The following FAM178B variants were observed in gnomAD, a reference collection of about 807,000 sequenced individuals.
FAM178B encodes the protein family with sequence similarity 178 member B.
Under a neutral mutation model 91.7 loss-of-function variants are expected in FAM178B, and 82 were observed. The ratio of observed to expected loss-of-function variants is 0.89; its 90% CI spans 0.75 to 1.07. FAM178B has a LOEUF of 1.07. Among genes scored for constraint, FAM178B ranks in the 50% least tolerant of loss-of-function variants. The pLI is 0.00. For synonymous variants in FAM178B, 368 were observed against 359.4 expected (o/e 1.02, Z -0.27); for missense variants, 769 against 846.7 (o/e 0.91, Z 1.14).
intron 12 of FAM178B, among the ~76,000 whole-genome samples, chr2:96,913,392 G>A (rs571461696): frequency 6.6e-6 from 1 of 152,192 alleles, no homozygotes; most frequent in African/African-American, 2.4e-5. Context: ...TTTCAAGTCT[G>A]AGAACAGGCA....
intron 1 of FAM178B, among the ~76,000 whole-genome samples, chr2:96,977,452 A>ATTTT (rs558867160): frequency 2.2e-5 from 3 of 135,416 alleles, no homozygotes; most frequent in Non-Finnish European, 4.8e-5. Flanking sequence ...CCTTTTGGGA[A>ATTTT]TTTTTTTTTT....
chr2:96,946,227 T>A (rs547263444), intron 8 of FAM178B, among the ~76,000 whole-genome samples: 1 of 152,360 alleles, frequency 6.6e-6, no homozygotes, highest in East Asian at 1.9e-4. Context: ...TAATACATCA[T>A]GGACATTCAA....
At chr2:96,938,408 GATGCCTGCTGAGCTGGGGTAAAGCATGC>G (rs957885329) in intron 8 of FAM178B, among the ~76,000 whole-genome samples, 7 of 152,328 alleles carry the variant, frequency 4.6e-5, no homozygotes, top group Non-Finnish European at 1.0e-4. Flanking sequence ...AGACTCTGGA[GATGCCTGCTGAGCTGGGGTAAAGCATGC>G]ATGCCTGCCC....
intron 12 of FAM178B, among the ~76,000 whole-genome samples, chr2:96,906,967 C>G (rs1357376628): frequency 6.6e-6 from 1 of 152,306 alleles, no homozygotes; most frequent in Admixed American, 6.5e-5. Flanking sequence ...AGGGCCTGCC[C>G]GGCCCGGGGG....
chr2:96,925,942 C>T (rs973028812), intron 9 of FAM178B, among the ~76,000 whole-genome samples: 7 of 152,324 alleles, frequency 4.6e-5, no homozygotes, highest in South Asian at 2.1e-4. Flanking sequence ...CTTGATAGGA[C>T]GCCCTGTCAA....
At chr2:96,938,567 G>C (rs895409368) in intron 8 of FAM178B, among the ~76,000 whole-genome samples, 3 of 152,234 alleles carry the variant, frequency 2.0e-5, no homozygotes, top group Admixed American at 2.0e-4. Context: ...ATCTGGAAAA[G>C]ATGCTGCTGT....
chr2:96,951,237 C>A lies in FAM178B; in HGVS notation c.993+142G>T, dbSNP rs531464277. On this transcript the variant is annotated intron_variant, in intron 7 of 16. Coordinates refer to ENST00000490605, the MANE Select transcript of FAM178B (RefSeq NM_001122646.3). ...TGTGGGGATCGATGCCCAATCAGCT[C>A]TCCTCCCTCCTCCCAGCCTGAGCCC... 1.1e-5 allele frequency: 7 copies of A among 648,814 alleles called. No individual in the cohort carries two copies. In the South Asian group the frequency reaches 1.1e-4, roughly 10 times the overall value. The allele number at this position is 648,814 out of a possible 1,614,324, so 40.2% of individuals were successfully genotyped here.
intron 16 of FAM178B, 75 bp from the exon 17 acceptor site, chr2:96,876,383 G>C: frequency 6.5e-7 from 1 of 1,541,450 alleles, no homozygotes. Context: ...TCCCCGGGCT[G>C]GCGGTGTCCA....
intron 14 of FAM178B, among the ~76,000 whole-genome samples, chr2:96,887,379 A>G (rs1461631228): frequency 6.6e-6 from 1 of 152,182 alleles, no homozygotes; most frequent in Non-Finnish European, 1.5e-5. Flanking sequence ...AGGGTGAGGC[A>G]TTTCAGGGGG....
At position 96,877,147 on chromosome 2, in the gene FAM178B, T is replaced by C. The variant is rs1403195384; in HGVS notation, c.2007+743A>G. 2.0e-5 allele frequency among the ~76,000 whole-genome samples: 3 copies of C among 152,130 alleles called. No homozygotes were observed. In the East Asian group the frequency reaches 5.8e-4, roughly 29 times the overall value. On this transcript the variant is annotated intron_variant, in intron 16 of 16. Transcript: ENST00000490605. ...CTGTGACTATCACACCTACAGGCTC[T>C]GAGAAAACTCGGCGGGGGTAGGGGG...
chr2:96,959,646 G>A (rs749156131), intron 6 of FAM178B, among the ~76,000 whole-genome samples: 47 of 152,130 alleles, frequency 3.1e-4, no homozygotes, highest in Non-Finnish European at 6.2e-4. Flanking sequence ...CCCAGCAGAC[G>A]CCGCTGCACT....
chr2:96,891,324 G>A (rs2080673383), intron 14 of FAM178B, among the ~76,000 whole-genome samples: 1 of 152,206 alleles, frequency 6.6e-6, no homozygotes, highest in South Asian at 2.1e-4. Flanking sequence ...TGCAGGAGAA[G>A]GCCAGGCTAT....
chr2:96,927,973 C>T (rs2081473779), intron 9 of FAM178B, among the ~76,000 whole-genome samples: 1 of 152,256 alleles, frequency 6.6e-6, no homozygotes. Flanking sequence ...TGGCTCATTA[C>T]ACCAGACATG....
At chr2:96,958,197 G>A (rs1486556988) in intron 6 of FAM178B, among the ~76,000 whole-genome samples, 1 of 151,510 alleles carries the variant, frequency 6.6e-6, no homozygotes, top group African/African-American at 2.4e-5. Flanking sequence ...AGCCTCCTGA[G>A]TAGCTGGGAC....
intron 6 of FAM178B, among the ~76,000 whole-genome samples, chr2:96,957,445 G>A (rs1269581573): frequency 6.6e-6 from 1 of 152,108 alleles, no homozygotes; most frequent in Non-Finnish European, 1.5e-5. Flanking sequence ...TGAGGCACTG[G>A]CAACACCCTC....
chr2:96,928,242 C>G (rs895563571), intron 9 of FAM178B, among the ~76,000 whole-genome samples: 3 of 152,220 alleles, frequency 2.0e-5, no homozygotes, highest in African/African-American at 7.2e-5. Flanking sequence ...ACAACAGCCC[C>G]TCCAGGCTTC....
chr2:96,902,503 TGAGTA>T (rs1323584755), intron 13 of FAM178B, 112 bp downstream of exon 13: 1 of 710,408 alleles, frequency 1.4e-6, no homozygotes, highest in Admixed American at 2.2e-5. Flanking sequence ...TGAAAGAACA[TGAGTA>T]GAGAGTTCAG....
chr2:96,951,675 A>G, intron 6 of FAM178B, 191 bp from the exon 7 acceptor site: 1 of 570,160 alleles, frequency 1.8e-6, no homozygotes, highest in South Asian at 2.0e-5. Flanking sequence ...GGCTAGCATC[A>G]GAATCACCTG....
intron 1 of FAM178B, among the ~76,000 whole-genome samples, chr2:96,985,758 G>A (rs1244829579): frequency 1.3e-5 from 2 of 152,110 alleles, no homozygotes; most frequent in Non-Finnish European, 1.5e-5. Context: ...GAATGCTGGC[G>A]AGAGCAGCGG....
Sources: allele counts gnomAD v4.1 joint callset (sites outside exome capture counted in the v4.1 genomes callset), GRCh38; gene constraint gnomAD v4.1.1; transcripts MANE v1.5; gene names NCBI Gene and HGNC (gene_info 2026-07-23, HGNC 2026-07-21).